Variants in AP3B2 observed in about 807,000 individuals in gnomAD.
AP3B2 encodes adaptor related protein complex 3 subunit beta 2, also known as AP-3 complex subunit beta-2.
In AP3B2, 50 loss-of-function variants were observed where a neutral mutation model predicts 126.9. The observed-to-expected ratio is 0.39, with a 90% confidence interval of 0.31 to 0.50. The LOEUF is 0.50. AP3B2 is among the 20% of genes least tolerant of loss of function. The pLI is 0.79. For synonymous variants in AP3B2, 541 were observed against 565.0 expected (o/e 0.96, Z 0.60); for missense variants, 1,177 against 1,426.4 (o/e 0.83, Z 2.82).
At chr15:82,688,665 T>A in intron 4 of AP3B2, 71 bp downstream of exon 4, 1 of 1,402,294 alleles carries the variant, frequency 7.1e-7, no homozygotes, top group Non-Finnish European at 9.9e-7. Context: ...TCATGGCCTC[T>A]CCCCAGGCCT....
At chr15:82,675,654 T>C (rs935205976) in intron 14 of AP3B2, among the ~76,000 whole-genome samples, 6 of 152,212 alleles carry the variant, frequency 3.9e-5, no homozygotes, top group South Asian at 2.1e-4. Flanking sequence ...TTAACCCTGC[T>C]GTTGTAGCAC....
At position 82,664,764 on chromosome 15, in the gene AP3B2, AC is replaced by A; in HGVS notation, c.2137+70del. 8.3e-7 allele frequency: 1 copy of A among 1,211,902 alleles called. No homozygotes were observed. The highest frequency in any genetic ancestry group is 2.0e-5 in the Admixed American group (1 of 48,986). 75.1% of individuals were successfully genotyped at this position (1,211,902 alleles called of 1,614,324 possible). ...CCTAGACACACAACCATATACATAT[AC>A]CCCTCATATAGTCAGTCACACAGAT... On this transcript the variant is annotated intron_variant, in intron 18 of 26. Transcript: ENST00000535359. The surrounding 1 kb of genome is among the most constrained non-coding windows in gnomAD (Gnocchi z 4.5).
In AP3B2 at chr15:82,664,205, TCTC is replaced by T. The variant is rs1459312120; in HGVS notation, c.2261+159_2261+161del. Among the ~76,000 whole-genome samples, 1 of 152,108 alleles carries T rather than the reference TCTC, an allele frequency of 6.6e-6. No homozygotes were observed. Among genetic ancestry groups the T allele is most frequent in the Admixed American group, 6.5e-5 (1 of 15,280 alleles). ...ACACCAGCCCATGAGGCCTCAGAGATCTCCTGCAGCCAGCGAAAGTAGGCGTCA... is the reference window on the plus strand; with the variant it reads ...ACACCAGCCCATGAGGCCTCAGAGATCTGCAGCCAGCGAAAGTAGGCGTCA... On this transcript the variant is annotated intron_variant, in intron 19 of 26. Transcript: ENST00000535359. The surrounding 1 kb of genome is among the most constrained non-coding windows in gnomAD (Gnocchi z 4.5).
intron 1 of AP3B2, among the ~76,000 whole-genome samples, chr15:82,698,409 C>T (rs1424970971): frequency 1.3e-5 from 2 of 151,868 alleles, no homozygotes; most frequent in African/African-American, 4.8e-5. Context: ...CATACATGTC[C>T]CCTACAGACA....
chr15:82,688,265 T>C (rs948648196), intron 4 of AP3B2: 2 of 607,470 alleles, frequency 3.3e-6, no homozygotes, highest in African/African-American at 3.7e-5. Flanking sequence ...GACTTATACA[T>C]GCACCTAACA....
In AP3B2 at chr15:82,659,306, T is replaced by C; in HGVS notation, c.*254A>G. On this transcript the variant is annotated 3_prime_UTR_variant, in exon 27 of 27. Coordinates refer to ENST00000535359, the MANE Select transcript of AP3B2 (RefSeq NM_001278512.2). ...TAGAGAGAAGACATTTTATTGAGCCTGCTACATAAATAGCTACAGAAATCT... is the reference window on the plus strand; with the variant it reads ...TAGAGAGAAGACATTTTATTGAGCCCGCTACATAAATAGCTACAGAAATCT... 2 of 448,278 alleles carry C rather than the reference T, an allele frequency of 4.5e-6. No individual in the cohort carries two copies. Among genetic ancestry groups the C allele is most frequent in the South Asian group, 7.3e-5 (2 of 27,374 alleles). 27.8% of individuals were successfully genotyped at this position (448,278 alleles called of 1,614,324 possible). A position where few individuals can be genotyped will look rare whatever the true frequency, so the allele number is the denominator to read the frequency against.
At chr15:82,662,349 A>G in intron 23 of AP3B2, 97 bp from the exon 24 acceptor site, 1 of 940,962 alleles carries the variant, frequency 1.1e-6, no homozygotes, top group Non-Finnish European at 1.7e-6. Flanking sequence ...CCACTGTCAC[A>G]GCTGACCAGC....
chr15:82,663,204 G>A lies in AP3B2; in HGVS notation c.2527C>T (p.Pro843Ser), dbSNP rs2047986004. 1 of 1,613,172 alleles carries A rather than the reference G, an allele frequency of 6.2e-7. No individual in the cohort carries two copies. Among genetic ancestry groups the A allele is most frequent in the South Asian group, 1.1e-5 (1 of 90,918 alleles). ...FTPPSVQPVS[P>S]PAIVSTSLAA... ...AGACTGGTAGACACAATTGCTGGGG[G>A]AGACACAGGCTGGACACTGGGAGGG... Residue 843 changes from proline to serine, a missense_variant, in exon 22 of 27, where the codon CCC becomes TCC. By Grantham distance (74) the Pro-to-Ser change is moderately conservative (BLOSUM62 -1). This residue lies in a region of AP3B2 where 587 missense variants were observed against 571.3 expected (regional missense o/e 1.03). Coordinates refer to ENST00000535359, the MANE Select transcript of AP3B2 (RefSeq NM_001278512.2).
rs538786696 is a variant in AP3B2, at chr15:82,680,495, C to G, written c.1032G>C (p.Leu344=). 3.5e-4 allele frequency: 527 copies of G among 1,520,708 alleles called. 1 individual carries two copies. In the Middle Eastern group the frequency reaches 6.6e-3, roughly 19 times the overall value. The allele number at this position is 1,520,708 out of a possible 1,614,324, so 94.2% of individuals were successfully genotyped here. ...KAEVGVIAKA[L]VRLLRSHSEV... ...ACCTGTGGCTGCGCAGCAGGCGCAC[C>G]AGCGCCTTGGCGATGACGCCCACTT... is the stretch of plus-strand genomic sequence containing the variant. The change falls in exon 8 of 27, where the codon CTG becomes CTC. Residue 344 remains leucine (L), a synonymous_variant. Transcript: ENST00000535359. This position sits in a 1 kb window ranked among gnomAD's most constrained non-coding sequence, Gnocchi z 6.1.
intron 14 of AP3B2, among the ~76,000 whole-genome samples, chr15:82,667,250 A>C (rs2048074338): frequency 6.6e-6 from 1 of 152,154 alleles, no homozygotes; most frequent in Non-Finnish European, 1.5e-5. Flanking sequence ...CTACCACTCC[A>C]GGCCTGTCCA....
intron 1 of AP3B2, chr15:82,699,269 GGCAGGCA>G (rs149623146): frequency 0.12 from 20,150 of 169,990 alleles, 1,354 homozygotes; most frequent in East Asian, 0.33. Context: ...CCAGTCCACT[GGCAGGCA>G]GTGGCTGGCC....
At chr15:82,692,627 G>A (rs866669782) in intron 1 of AP3B2, 1 of 160,792 alleles carries the variant, frequency 6.2e-6, no homozygotes, top group Admixed American at 6.5e-5. Context: ...AACAAGAGCA[G>A]GGTGCCCTTG....
intron 14 of AP3B2, among the ~76,000 whole-genome samples, chr15:82,676,121 C>T (rs2048238315): frequency 6.6e-6 from 1 of 152,212 alleles, no homozygotes; most frequent in Non-Finnish European, 1.5e-5. Context: ...GATGCATGTT[C>T]TCCCATCAGT....
chr15:82,684,706 G>A (rs890281219), intron 4 of AP3B2, among the ~76,000 whole-genome samples: 1 of 152,032 alleles, frequency 6.6e-6, no homozygotes, highest in African/African-American at 2.4e-5. Flanking sequence ...TTATAGAGAC[G>A]GTCTTGAACC....
intron 14 of AP3B2, among the ~76,000 whole-genome samples, chr15:82,675,108 T>C (rs1201362324): frequency 1.3e-5 from 2 of 152,188 alleles, no homozygotes; most frequent in Non-Finnish European, 1.5e-5. Context: ...TTTTCAACGA[T>C]TGAACGCTTC....
intron 1 of AP3B2, chr15:82,692,509 G>A (rs1596192463): frequency 4.8e-6 from 1 of 207,936 alleles, no homozygotes; most frequent in African/African-American, 2.4e-5. Context: ...GAAACAGAGA[G>A]CCAGGAAACA....
At chr15:82,670,023 A>AC (rs1313738614) in intron 14 of AP3B2, among the ~76,000 whole-genome samples, 1 of 137,580 alleles carries the variant, frequency 7.3e-6, no homozygotes, top group African/African-American at 2.6e-5. Flanking sequence ...AAAAAAAAAA[A>AC]ACCCATTGCA....
At chr15:82,676,221 C>T (rs563170997) in intron 14 of AP3B2, among the ~76,000 whole-genome samples, 1 of 152,306 alleles carries the variant, frequency 6.6e-6, no homozygotes, top group East Asian at 1.9e-4. Context: ...GACTCTTGTA[C>T]TAGCAGACTG....
Position 82,662,857 on chromosome 15 carries a change from C to G in AP3B2, c.2670G>C (p.Leu890=), listed in dbSNP as rs746132032. ...GGCGGCTGAAGGTGTAGTCCACAGC[C>G]AGCCCCTCGCCAGCTACCCGGTGCA... ...ELLHRVAGEG[L]AVDYTFSRQP... Residue 890 remains leucine, a synonymous_variant, in exon 23 of 27, where the codon CTG becomes CTC. Transcript: ENST00000535359. The G allele has an allele frequency of 1.8e-5, 29 of 1,613,718 alleles. No individual in the cohort carries two copies. The South Asian group carries it at 3.2e-4, about 18-fold the overall frequency.
Sources: gnomAD v4.1 joint callset for allele counts (sites outside exome capture counted in the v4.1 genomes callset) on GRCh38, gnomAD v4.1.1 for gene constraint, gnomAD v4.1.1 regional missense constraint, Gnocchi (gnomAD v3.1) non-coding constraint, MANE v1.5 for transcripts, NCBI Gene and HGNC (gene_info 2026-07-23, HGNC 2026-07-21) for gene names.